Variants in XKR4 observed in about 807,000 individuals in gnomAD.
XKR4 encodes the protein XK-related protein 4.
Under a neutral mutation model 53.9 loss-of-function variants are expected in XKR4, and 12 were observed. The observed-to-expected ratio is 0.22, with a 90% CI of 0.14 to 0.36. XKR4 has a LOEUF of 0.36. XKR4 is among the 10% of genes least tolerant of loss of function. The probability of loss-of-function intolerance (pLI) is 1.00; values close to 1 mark genes in which losing one functional copy is unlikely to be tolerated. For synonymous variants in XKR4, 354 were observed against 362.4 expected (o/e 0.98, Z 0.26); for missense variants, 799 against 859.5 (o/e 0.93, Z 0.88).
intron 1 of XKR4, among the ~76,000 whole-genome samples, chr8:55,267,955 T>C (rs1281695608): frequency 6.6e-6 from 1 of 152,154 alleles, no homozygotes; most frequent in African/African-American, 2.4e-5. Flanking sequence ...CTCTTTTAAA[T>C]GGTGTTAATT....
chr8:55,482,018 C>G (rs1286347214), intron 2 of XKR4, among the ~76,000 whole-genome samples: 2 of 152,150 alleles, frequency 1.3e-5, no homozygotes, highest in Non-Finnish European at 2.9e-5. Context: ...AGTAGAAATA[C>G]CATTTGACCC....
chr8:55,499,506 T>C (rs1395371240), intron 2 of XKR4, among the ~76,000 whole-genome samples: 1 of 152,214 alleles, frequency 6.6e-6, no homozygotes, highest in Non-Finnish European at 1.5e-5. Flanking sequence ...TCTGGTGTTA[T>C]TTTAGAAAAT....
At chr8:55,231,831 C>T (rs1330464471) in intron 1 of XKR4, among the ~76,000 whole-genome samples, 1 of 152,102 alleles carries the variant, frequency 6.6e-6, no homozygotes, top group Non-Finnish European at 1.5e-5. Context: ...AAACTCCACT[C>T]CAGTCTCTTA....
chr8:55,209,886 G>A (rs929858923), intron 1 of XKR4, among the ~76,000 whole-genome samples: 9 of 152,254 alleles, frequency 5.9e-5, no homozygotes, highest in Admixed American at 2.0e-4. Flanking sequence ...GATTTTGAAC[G>A]TATATTTTTT....
At chr8:55,452,011 C>T (rs1284186747) in intron 2 of XKR4, 2 of 768,732 alleles carry the variant, frequency 2.6e-6, no homozygotes, top group East Asian at 2.5e-5. Context: ...GTCTTCTTGA[C>T]GTTCTTAACC....
At chr8:55,109,751 G>T (rs1275265106) in intron 1 of XKR4, among the ~76,000 whole-genome samples, 1 of 152,164 alleles carries the variant, frequency 6.6e-6, no homozygotes, top group Admixed American at 6.6e-5. Context: ...TAACAGAACA[G>T]TTGAATGTGT....
At chr8:55,450,350 C>A (rs1236324244) in intron 2 of XKR4, 2 of 685,746 alleles carry the variant, frequency 2.9e-6, no homozygotes, top group East Asian at 3.0e-5. Flanking sequence ...AGGTTGGACA[C>A]GTTGCTGTAG....
Position 55,103,299 on chromosome 8 carries a change from T to C in XKR4, c.806+5T>C. The stretch of plus-strand genomic sequence containing the variant: ...GCAGCTCGGGCAAATCTGGAGGTAC[T>C]GTAATGGGTGGGGGAAAAGGGAGGC... On this transcript the variant is annotated splice_donor_5th_base_variant and intron_variant, in intron 1 of 2. Coordinates refer to ENST00000327381, the MANE Select transcript of XKR4 (RefSeq NM_052898.2). The C allele has an allele frequency of 1.9e-6, 3 of 1,589,524 alleles. No homozygotes were observed. The highest frequency in any genetic ancestry group is 2.6e-6 in the Non-Finnish European group (3 of 1,165,072).
At chr8:55,447,043 C>A in intron 2 of XKR4, among the ~76,000 whole-genome samples, 1 of 148,516 alleles carries the variant, frequency 6.7e-6, no homozygotes, top group Non-Finnish European at 1.5e-5. Flanking sequence ...ATGGTATAGC[C>A]TACCTGATTG....
chr8:55,430,124 A>C (rs1446439026), intron 2 of XKR4, among the ~76,000 whole-genome samples: 1 of 152,216 alleles, frequency 6.6e-6, no homozygotes, highest in African/African-American at 2.4e-5. Flanking sequence ...GTTAAAATAA[A>C]AAATAGAGAT....
At chr8:55,247,855 CT>C (rs1166258777) in intron 1 of XKR4, among the ~76,000 whole-genome samples, 7,199 of 59,936 alleles carry the variant, frequency 0.12, 450 homozygotes, top group African/African-American at 0.27. Context: ...TTCTTTCTTT[CT>C]TTTTTTTTTT....
At chr8:55,515,234 A>G (rs1212538743) in intron 2 of XKR4, among the ~76,000 whole-genome samples, 1 of 152,254 alleles carries the variant, frequency 6.6e-6, no homozygotes, top group Non-Finnish European at 1.5e-5. Context: ...AAAACTAAAC[A>G]TATTAAAGCA....
chr8:55,210,968 C>T (rs189100797), intron 1 of XKR4, among the ~76,000 whole-genome samples: 29 of 152,312 alleles, frequency 1.9e-4, no homozygotes, highest in Admixed American at 6.5e-4. Flanking sequence ...ATGAAATTTT[C>T]CATTGTGGGC....
At chr8:55,395,829 C>A (rs950188907) in intron 2 of XKR4, among the ~76,000 whole-genome samples, 2 of 152,144 alleles carry the variant, frequency 1.3e-5, no homozygotes, top group Non-Finnish European at 2.9e-5. Flanking sequence ...TCTGTTCTGG[C>A]GGCTACAACA....
chr8:55,310,806 G>A (rs550861482), intron 1 of XKR4, among the ~76,000 whole-genome samples: 1 of 152,332 alleles, frequency 6.6e-6, no homozygotes, highest in African/African-American at 2.4e-5. Flanking sequence ...GTGAGAAAAG[G>A]TTTATTCCGG....
intron 1 of XKR4, among the ~76,000 whole-genome samples, chr8:55,148,701 A>AT (rs1185566562): frequency 6.6e-6 from 1 of 152,174 alleles, no homozygotes; most frequent in Non-Finnish European, 1.5e-5. Flanking sequence ...ATAATTAAAG[A>AT]TTTTTTTCTT....
intron 2 of XKR4, among the ~76,000 whole-genome samples, chr8:55,377,665 GA>G (rs1804170794): frequency 6.6e-6 from 1 of 152,120 alleles, no homozygotes; most frequent in Admixed American, 6.5e-5. Flanking sequence ...CTTGAAATAG[GA>G]AAAGTCAGAG....
At chr8:55,296,879 A>T (rs1489819479) in intron 1 of XKR4, among the ~76,000 whole-genome samples, 1 of 152,148 alleles carries the variant, frequency 6.6e-6, no homozygotes, top group Non-Finnish European at 1.5e-5. Context: ...AAATAACAAA[A>T]TTGTATATTA....
intron 2 of XKR4, among the ~76,000 whole-genome samples, chr8:55,507,409 G>C (rs937972164): frequency 8.6e-5 from 13 of 151,944 alleles, no homozygotes; most frequent in African/African-American, 2.9e-4. Context: ...GTGCAGGTTA[G>C]TTACATATGT....
Sources: gnomAD v4.1 joint callset for allele counts (sites outside exome capture counted in the v4.1 genomes callset) on GRCh38, gnomAD v4.1.1 for gene constraint, MANE v1.5 for transcripts, NCBI Gene and HGNC (gene_info 2026-07-23, HGNC 2026-07-21) for gene names.